Variants in CCDC141 observed in about 807,000 individuals in gnomAD.
CCDC141 encodes the protein coiled-coil domain-containing protein 141.
In CCDC141, 168 loss-of-function variants were observed where a neutral mutation model predicts 181.0. The observed-to-expected ratio is 0.93, with a 90% CI of 0.82 to 1.05. The LOEUF is 1.05. Ranked by LOEUF, CCDC141 falls within the 50% of genes least tolerant of loss-of-function variation. CCDC141 has a pLI of 0.00. For synonymous variants in CCDC141, 666 were observed against 642.3 expected (o/e 1.04, Z -0.56); for missense variants, 1,902 against 1,788.5 (o/e 1.06, Z -1.14).
intron 2 of CCDC141, among the ~76,000 whole-genome samples, chr2:179,000,484 G>A (rs1180151348): frequency 6.6e-6 from 1 of 152,104 alleles, no homozygotes; most frequent in Non-Finnish European, 1.5e-5. Flanking sequence ...TTACAGAAGA[G>A]GTTTGCTGAC....
intron 2 of CCDC141, among the ~76,000 whole-genome samples, chr2:179,044,595 C>T (rs2043424814): frequency 2.0e-5 from 3 of 152,272 alleles, no homozygotes; most frequent in Non-Finnish European, 4.4e-5. Flanking sequence ...TGAGCTCACC[C>T]ACCACTACCC....
At chr2:178,969,789 A>T (rs1351138655) in intron 4 of CCDC141, among the ~76,000 whole-genome samples, 1 of 152,234 alleles carries the variant, frequency 6.6e-6, no homozygotes, top group African/African-American at 2.4e-5. Flanking sequence ...GTCAGGCAAG[A>T]GAAAGAAATA....
intron 6 of CCDC141, 64 bp downstream of exon 6, chr2:178,944,471 A>G: frequency 8.8e-6 from 6 of 682,790 alleles, no homozygotes; most frequent in Admixed American, 3.3e-5. Context: ...TACCCACAGA[A>G]GTATATTCAA....
chr2:178,945,149 T>TTTC lies in CCDC141; in HGVS notation c.781-499_781-498insGAA, dbSNP rs1689677049. On this transcript the variant is annotated intron_variant, in intron 5 of 23. Coordinates refer to ENST00000443758, the MANE Select transcript of CCDC141 (RefSeq NM_173648.4). Reference sequence around the variant, plus strand: ...TGTATCCAGAAAATAGAGAGGTTATTAACATTTACATTGACTTGATTTATA... The same window carrying TTTC: ...TGTATCCAGAAAATAGAGAGGTTATTTTCAACATTTACATTGACTTGATTTATA... Among the ~76,000 whole-genome samples the TTTC allele has an allele frequency of 6.6e-5, 10 of 152,284 alleles. No individual in the cohort carries two copies. The South Asian group carries it at 2.1e-3, about 32-fold the overall frequency.
In CCDC141 at chr2:178,833,661, A is replaced by G. The variant is rs902896185; in HGVS notation, c.*512T>C. 3.9e-5 allele frequency: 6 copies of G among 155,388 alleles called. No homozygotes were observed. The highest frequency in any genetic ancestry group is 1.2e-4 in the Admixed American group (2 of 16,070). The allele number at this position is 155,388 out of a possible 1,614,324, so 9.6% of individuals were successfully genotyped here. A position where few individuals can be genotyped will look rare whatever the true frequency, so the allele number is the denominator to read the frequency against. ...AGACTCAGGAACGTAGTCTACGTTG[A>G]AATTACACAGAATGCATTTCGGTAA... On this transcript the variant is annotated 3_prime_UTR_variant, in exon 24 of 24. Transcript: ENST00000443758.
intron 6 of CCDC141, among the ~76,000 whole-genome samples, chr2:178,941,441 T>C (rs1293030894): frequency 6.6e-6 from 1 of 152,206 alleles, no homozygotes; most frequent in Non-Finnish European, 1.5e-5. Context: ...TAGAACCTTT[T>C]TGTATCTACA....
At chr2:178,925,497 G>C (rs1336383267) in intron 6 of CCDC141, among the ~76,000 whole-genome samples, 1 of 152,186 alleles carries the variant, frequency 6.6e-6, no homozygotes. Flanking sequence ...CTTCAAAATA[G>C]TGATTGGAGC....
At chr2:179,044,252 A>G (rs2043409369) in intron 2 of CCDC141, among the ~76,000 whole-genome samples, 1 of 152,324 alleles carries the variant, frequency 6.6e-6, no homozygotes, top group Non-Finnish European at 1.5e-5. Context: ...TATAGATTCA[A>G]TACTATTCCC....
chr2:178,913,719 A>G (rs974481116), intron 7 of CCDC141, among the ~76,000 whole-genome samples: 3 of 152,184 alleles, frequency 2.0e-5, no homozygotes, highest in African/African-American at 7.2e-5. Flanking sequence ...TACATTTCGA[A>G]CTACTTTTTG....
intron 21 of CCDC141, 57 bp from the exon 22 acceptor site, chr2:178,845,799 A>G (rs1173777159): frequency 3.1e-6 from 3 of 955,954 alleles, no homozygotes; most frequent in Non-Finnish European, 5.2e-6. Context: ...GAACAGTGCC[A>G]TACACTAACT....
At chr2:178,949,381 A>AACAGTTCAATAG (rs1184697404) in intron 5 of CCDC141, among the ~76,000 whole-genome samples, 4 of 152,210 alleles carry the variant, frequency 2.6e-5, no homozygotes, top group Admixed American at 2.6e-4. Flanking sequence ...CAGATGAGGT[A>AACAGTTCAATAG]ACAGTTCAAT....
At chr2:179,049,163 T>C (rs750020080) in intron 1 of CCDC141, among the ~76,000 whole-genome samples, 2 of 152,186 alleles carry the variant, frequency 1.3e-5, no homozygotes, top group African/African-American at 2.4e-5. Context: ...TCTTTGCAAA[T>C]GGGCAAATGG....
chr2:179,011,526 A>G (rs1055205584), intron 2 of CCDC141, among the ~76,000 whole-genome samples: 1 of 152,182 alleles, frequency 6.6e-6, no homozygotes, highest in African/African-American at 2.4e-5. Flanking sequence ...ATAGTGGGGG[A>G]CTTCAATACC....
At chr2:178,901,459 A>T (rs1031483727) in intron 8 of CCDC141, among the ~76,000 whole-genome samples, 8 of 152,162 alleles carry the variant, frequency 5.3e-5, no homozygotes, top group Non-Finnish European at 8.8e-5. Context: ...AATATACGCA[A>T]ATCAATAAAT....
intron 2 of CCDC141, among the ~76,000 whole-genome samples, chr2:179,045,369 T>A (rs1327279711): frequency 6.8e-6 from 1 of 146,784 alleles, no homozygotes; most frequent in Non-Finnish European, 1.5e-5. Flanking sequence ...TGCATAGTAT[T>A]CCATGGTGTA....
At position 178,837,536 on chromosome 2, in the gene CCDC141, G is replaced by A; in HGVS notation, c.3683C>T (p.Ala1228Val). The change falls in exon 23 of 24, where the codon GCA becomes GTA. Residue 1228 changes from alanine to valine, a missense_variant. By Grantham distance (64) the Ala-to-Val change is moderately conservative. Transcript: ENST00000443758. Reference sequence around the variant, plus strand: ...CTCTTCCACCTCCATGTCAGATGGTGCAAGAGGGGACTCAGGGCTTCCTGG... The same window carrying A: ...CTCTTCCACCTCCATGTCAGATGGTACAAGAGGGGACTCAGGGCTTCCTGG... ...PLPGSPESPL[A>V]PSDMEVEEPV... The A allele has an allele frequency of 1.2e-6, 2 of 1,613,962 alleles. No individual in the cohort carries two copies. The highest frequency in any genetic ancestry group is 1.7e-4 in the Middle Eastern group (1 of 6,058).
chr2:178,820,252 C>G, the CCDC141 span, among the ~76,000 whole-genome samples: 1 of 152,118 alleles, frequency 6.6e-6, no homozygotes, highest in East Asian at 1.9e-4. Context: ...GACCTGTGAG[C>G]TACATTCCTG....
At chr2:178,854,317 G>A (rs993151895) in intron 19 of CCDC141, among the ~76,000 whole-genome samples, 1 of 152,182 alleles carries the variant, frequency 6.6e-6, no homozygotes, top group Non-Finnish European at 1.5e-5. Flanking sequence ...GAGGTCAGGA[G>A]ATCGAGACCA....
rs866939346 is a variant in CCDC141, at chr2:178,923,253, C to T, written c.898-4346G>A. Among the ~76,000 whole-genome samples, 285 of 151,382 alleles carry T rather than the reference C, an allele frequency of 1.9e-3. 2 individuals are homozygous for T. Among genetic ancestry groups the T allele is most frequent in the South Asian group, 5.1e-3 (24 of 4,738 alleles). ...CCAAGTAGCTGGGACTACAGGCGCC[C>T]GCCACTACGCCCGGCTAATTTTTTG... On this transcript the variant is annotated intron_variant, in intron 6 of 23. Coordinates refer to ENST00000443758, the MANE Select transcript of CCDC141 (RefSeq NM_173648.4).
Sources: gnomAD v4.1 joint callset for allele counts (sites outside exome capture counted in the v4.1 genomes callset) on GRCh38, gnomAD v4.1.1 for gene constraint, MANE v1.5 for transcripts, NCBI Gene and HGNC (gene_info 2026-07-23, HGNC 2026-07-21) for gene names.